The following LOC400499 variants were observed in gnomAD, a reference collection of about 807,000 sequenced individuals.
At chr16:11,485,448 G>A in the LOC400499 span, among the ~76,000 whole-genome samples, 4 of 152,148 alleles carry the variant, frequency 2.6e-5, no homozygotes, top group African/African-American at 4.8e-5. Flanking sequence ...GCAAGGGCTC[G>A]TGTATCAATC....
chr16:11,416,702 G>T, the LOC400499 span, among the ~76,000 whole-genome samples: 1 of 152,178 alleles, frequency 6.6e-6, no homozygotes, highest in Non-Finnish European at 1.5e-5. Context: ...GAAAAGAGAG[G>T]CCTCCCTGAG....
chr16:11,383,827 G>A, the LOC400499 span: 3 of 1,232,264 alleles, frequency 2.4e-6, no homozygotes, highest in South Asian at 1.2e-4. Context: ...CCTGAGGAGG[G>A]ACCTAAGCTT....
At chr16:11,385,293 G>A in the LOC400499 span, 36 of 1,232,180 alleles carry the variant, frequency 2.9e-5, no homozygotes, top group Middle Eastern at 3.1e-4. Context: ...CCGACTCAGC[G>A]TCAGCGAGAA....
chr16:11,476,859 G>A, the LOC400499 span: 2 of 399,498 alleles, frequency 5.0e-6, no homozygotes, highest in East Asian at 3.6e-5. Flanking sequence ...CCAGGCTGGC[G>A]GCGCTGCGGA....
At chr16:11,515,173 T>C in the LOC400499 span, among the ~76,000 whole-genome samples, 2 of 152,064 alleles carry the variant, frequency 1.3e-5, no homozygotes, top group Non-Finnish European at 2.9e-5. Flanking sequence ...TAACCAGGCA[T>C]AGTGGTGTGT....
chr16:11,385,173 G>C, the LOC400499 span: 1 of 1,231,138 alleles, frequency 8.1e-7, no homozygotes, highest in East Asian at 3.2e-5. Context: ...CTCCAGGGGA[G>C]GCTCAGTCCT....
At chr16:11,442,253 C>G in the LOC400499 span, 3 of 152,282 alleles carry the variant, frequency 2.0e-5, no homozygotes, top group African/African-American at 7.2e-5. Flanking sequence ...GACAGCCTCG[C>G]TCTGTCACCC....
the LOC400499 span, chr16:11,393,682 C>G: frequency 1.3e-6 from 1 of 777,922 alleles, no homozygotes; most frequent in Non-Finnish European, 1.7e-6. Flanking sequence ...TGTAGGGAAC[C>G]AAGGGAAGGC....
At chr16:11,456,030 AT>A in the LOC400499 span, among the ~76,000 whole-genome samples, 2 of 146,614 alleles carry the variant, frequency 1.4e-5, no homozygotes, top group South Asian at 2.2e-4. Context: ...GGAAAAAAAA[AT>A]TCGTGGATAA....
chr16:11,500,720 A>G, the LOC400499 span: 2 of 397,900 alleles, frequency 5.0e-6, no homozygotes, highest in Admixed American at 8.8e-5. Context: ...GGCACAAAAG[A>G]ACTGATCACC....
At chr16:11,462,947 C>G in the LOC400499 span, among the ~76,000 whole-genome samples, 1 of 152,204 alleles carries the variant, frequency 6.6e-6, no homozygotes, top group East Asian at 1.9e-4. Flanking sequence ...CTCACTGCAA[C>G]ATCCTCCTGG....
At chr16:11,507,925 C>T in the LOC400499 span, among the ~76,000 whole-genome samples, 18,200 of 151,804 alleles carry the variant, frequency 0.12, 3,229 homozygotes, top group African/African-American at 0.39. Flanking sequence ...CAGAATGAGA[C>T]CCTGTCTAAA....
the LOC400499 span, chr16:11,435,569 G>T: frequency 3.5e-5 from 14 of 398,342 alleles, no homozygotes; most frequent in African/African-American, 6.2e-5. Flanking sequence ...CAGAAGAGGG[G>T]CCTCTGAGTG....
chr16:11,458,608 G>C, the LOC400499 span, among the ~76,000 whole-genome samples: 41,027 of 152,056 alleles, frequency 0.27, 5,856 homozygotes, highest in Admixed American at 0.42. Context: ...CCAGGGACTG[G>C]GAGAAGGAGA....
the LOC400499 span, among the ~76,000 whole-genome samples, chr16:11,500,254 T>C: frequency 2.0e-5 from 3 of 152,050 alleles, no homozygotes; most frequent in African/African-American, 7.2e-5. Context: ...ACACCTGTAA[T>C]CCCAGCACTG....
the LOC400499 span, chr16:11,515,850 GGCCCAGCCCAGCCCA>G: frequency 1.1e-4 from 24 of 221,422 alleles, no homozygotes; most frequent in South Asian, 1.6e-3. Context: ...TCAGGGGCCC[GGCCCAGCCCAGCCCA>G]GCCCAGCCCA....
At chr16:11,431,897 G>A in the LOC400499 span, among the ~76,000 whole-genome samples, 16 of 152,304 alleles carry the variant, frequency 1.1e-4, no homozygotes, top group East Asian at 1.9e-3. Flanking sequence ...TCAGTAGAAT[G>A]TGGCAGAAGT....
chr16:11,419,337 C>A, the LOC400499 span, among the ~76,000 whole-genome samples: 14 of 152,006 alleles, frequency 9.2e-5, no homozygotes, highest in Admixed American at 3.3e-4. Context: ...CTGAGAAAAA[C>A]AAGCAATGGG....
At chr16:11,462,367 C>A in the LOC400499 span, 4 of 1,404,074 alleles carry the variant, frequency 2.8e-6, no homozygotes, top group Non-Finnish European at 3.7e-6. Context: ...CCTTACCACA[C>A]GAACTGGGAC....
Sources: gnomAD v4.1 joint callset for allele counts (sites outside exome capture counted in the v4.1 genomes callset) on GRCh38, gnomAD v4.1.1 for gene constraint, MANE v1.5 for transcripts.